The following TTC39C variants were observed in gnomAD, a reference collection of about 807,000 sequenced individuals.
TTC39C encodes tetratricopeptide repeat protein 39C.
A neutral mutation model predicts 76.3 loss-of-function variants in TTC39C; 33 were observed. The ratio of observed to expected loss-of-function variants is 0.43; its 90% CI spans 0.33 to 0.58. TTC39C has a LOEUF of 0.58. Ranked by LOEUF, TTC39C falls within the 20% of genes least tolerant of loss-of-function variation. TTC39C has a pLI of 0.04. For missense variants in TTC39C, 595 were observed against 701.4 expected (o/e 0.85, Z 1.71); for synonymous variants, 254 against 260.6 (o/e 0.97, Z 0.24).
intron 1 of TTC39C, among the ~76,000 whole-genome samples, chr18:24,018,706 C>T (rs1301838629): frequency 2.5e-4 from 38 of 150,876 alleles, no homozygotes; most frequent in Admixed American, 2.4e-3. Flanking sequence ...TTGGGAGGGG[C>T]GGGGCAAGGA....
intron 1 of TTC39C, chr18:24,016,809 A>G: frequency 2.5e-6 from 1 of 398,454 alleles, no homozygotes; most frequent in Non-Finnish European, 4.4e-6. Flanking sequence ...TTGTATTTTG[A>G]AATGGGAACT....
At chr18:24,016,355 T>C (rs1371625140) in intron 1 of TTC39C, among the ~76,000 whole-genome samples, 3 of 152,300 alleles carry the variant, frequency 2.0e-5, no homozygotes, top group South Asian at 4.1e-4. Flanking sequence ...CAATTTCTCT[T>C]TTGTAGTTTT....
upstream of TTC39C, among the ~76,000 whole-genome samples, chr18:24,010,063 A>AT (rs2083383290): frequency 6.6e-6 from 1 of 152,260 alleles, no homozygotes; most frequent in Admixed American, 6.5e-5. Context: ...GTTTGTTAAA[A>AT]GAAAGACTTT....
chr18:24,020,207 G>T, intron 1 of TTC39C: 1 of 1,107,790 alleles, frequency 9.0e-7, no homozygotes, highest in Non-Finnish European at 1.1e-6. Flanking sequence ...CAACTCAGTG[G>T]TGTGTTGGAA....
rs1402356837 is a variant in TTC39C, at chr18:24,064,584, A to T, written c.216+396A>T. Among the ~76,000 whole-genome samples the T allele has an allele frequency of 2.0e-5, 3 of 152,358 alleles. No homozygotes were observed. In the East Asian group the frequency reaches 5.8e-4, roughly 29 times the overall value. On this transcript the variant is annotated intron_variant, in intron 2 of 13. Transcript: ENST00000317571. ...GCAGAGCTAAAATTCGTCAGTTTGT[A>T]TTACATTTCCAAATATGAGTATTTG...
intron 1 of TTC39C, among the ~76,000 whole-genome samples, chr18:24,053,102 T>C (rs1051498659): frequency 5.3e-5 from 8 of 152,224 alleles, no homozygotes; most frequent in African/African-American, 1.9e-4. Flanking sequence ...ACTTTTAAAG[T>C]AAGATGCTTT....
At chr18:24,087,861 A>G (rs912332192) in intron 6 of TTC39C, among the ~76,000 whole-genome samples, 1 of 152,132 alleles carries the variant, frequency 6.6e-6, no homozygotes, top group Admixed American at 6.5e-5. Flanking sequence ...TACGTTGTGA[A>G]TATCCTGCAT....
At chr18:24,068,234 A>C (rs945297948) in intron 3 of TTC39C, among the ~76,000 whole-genome samples, 8 of 152,234 alleles carry the variant, frequency 5.3e-5, no homozygotes, top group Admixed American at 5.2e-4. Flanking sequence ...AATCCTGCAC[A>C]GTAGATTTTA....
intron 6 of TTC39C, among the ~76,000 whole-genome samples, chr18:24,086,658 G>T (rs1299229831): frequency 6.6e-6 from 1 of 152,128 alleles, no homozygotes; most frequent in African/African-American, 2.4e-5. Context: ...GAATTCCCTT[G>T]TCTCGCTGCC....
intron 1 of TTC39C, among the ~76,000 whole-genome samples, chr18:24,023,981 CA>C (rs1568409006): frequency 0.18 from 3,151 of 17,660 alleles, 931 homozygotes; most frequent in Non-Finnish European, 0.3. Flanking sequence ...TATATATATA[CA>C]TATATATATA....
chr18:24,083,393 C>G (rs367849890), intron 6 of TTC39C, among the ~76,000 whole-genome samples: 1 of 152,168 alleles, frequency 6.6e-6, no homozygotes, highest in African/African-American at 2.4e-5. Context: ...ATACAAAATA[C>G]AATTTTTTTC....
intron 1 of TTC39C, among the ~76,000 whole-genome samples, chr18:24,025,659 C>T (rs1243309693): frequency 6.6e-6 from 1 of 152,168 alleles, no homozygotes; most frequent in Non-Finnish European, 1.5e-5. Context: ...GGTCGTTGGT[C>T]CCATTCCACT....
chr18:24,131,844 A>AT lies in TTC39C; in HGVS notation c.1624-38_1624-37insT, dbSNP rs1471336968. 1.1e-5 allele frequency: 17 copies of AT among 1,596,440 alleles called. No individual in the cohort carries two copies. The Admixed American group carries it at 1.4e-4, about 13-fold the overall frequency. ...TACCATTTTCTGCCTGCGTATATAT[A>AT]AACACAGATTTTATGGGATAATGTG... On this transcript the variant is annotated intron_variant, in intron 12 of 13. Transcript: ENST00000317571.
chr18:24,093,391 A>G lies in TTC39C; in HGVS notation c.984+10310A>G, dbSNP rs2084550455. Among the ~76,000 whole-genome samples, 3 of 151,674 alleles carry G rather than the reference A, an allele frequency of 2.0e-5. No homozygotes were observed. The South Asian group carries it at 6.2e-4, about 32-fold the overall frequency. ...CTACTTGGGAGGCTGAGGCAGGAGA[A>G]TGGCGTGAACCCAGGAGGCAGAGGT... On this transcript the variant is annotated intron_variant, in intron 6 of 13. Transcript: ENST00000317571.
At chr18:24,060,979 A>G (rs2084092069) in intron 1 of TTC39C, among the ~76,000 whole-genome samples, 1 of 152,158 alleles carries the variant, frequency 6.6e-6, no homozygotes, top group Admixed American at 6.6e-5. Context: ...GCTTTTAGGG[A>G]CATTTAAGTC....
In TTC39C at chr18:24,132,583, G is replaced by C. The variant is rs758286275; in HGVS notation, c.*9G>C. 3.1e-6 allele frequency: 5 copies of C among 1,610,522 alleles called. No individual in the cohort carries two copies. The highest frequency in any genetic ancestry group is 4.2e-6 in the Non-Finnish European group (5 of 1,178,256). On this transcript the variant is annotated 3_prime_UTR_variant, in exon 14 of 14. Coordinates refer to ENST00000317571, the MANE Select transcript of TTC39C (RefSeq NM_001135993.2). ...AATTGGTTCCTCAGTGACAGACCCG[G>C]AACACCCGCTCCGTCCCTCCCCACC... is the stretch of plus-strand genomic sequence containing the variant.
At chr18:24,131,740 G>A (rs2085133011) in intron 12 of TTC39C, 142 bp from the exon 13 acceptor site, 5 of 625,134 alleles carry the variant, frequency 8.0e-6, no homozygotes, top group Non-Finnish European at 1.4e-5. Context: ...AAGAATATTG[G>A]AGTCATTATA....
At chr18:24,023,971 TATATATATA>T (rs1568408892) in intron 1 of TTC39C, among the ~76,000 whole-genome samples, 151 of 13,488 alleles carry the variant, frequency 0.011, 2 homozygotes, top group Non-Finnish European at 0.022. Context: ...TATATATATA[TATATATATA>T]CATATATATA....
chr18:24,034,000 T>C (rs937560648), intron 1 of TTC39C, among the ~76,000 whole-genome samples: 6 of 152,330 alleles, frequency 3.9e-5, no homozygotes, highest in Admixed American at 3.9e-4. Context: ...ATGGAAGGAA[T>C]AGCTGACCTG....
Sources: gnomAD v4.1 joint callset for allele counts (sites outside exome capture counted in the v4.1 genomes callset) on GRCh38, gnomAD v4.1.1 for gene constraint, MANE v1.5 for transcripts, NCBI Gene and HGNC (gene_info 2026-07-23, HGNC 2026-07-21) for gene names.